NDEL1: variants seen among roughly 807,000 people sequenced by gnomAD.
The protein encoded by NDEL1 is nuclear distribution protein nudE-like 1.
NDEL1 carries 9 observed loss-of-function variants against 45.7 expected under a neutral mutation model. That is an observed-to-expected ratio of 0.20 (90% CI 0.12 to 0.34). NDEL1 has a LOEUF of 0.34. NDEL1 is among the 10% of genes least tolerant of loss of function. NDEL1 has a pLI of 1.00. For missense variants in NDEL1, 306 were observed against 406.2 expected (o/e 0.75, Z 2.12); for synonymous variants, 133 against 158.6 (o/e 0.84, Z 1.21).
At chr17:8,423,986 G>T (rs573906623) in intron 1 of NDEL1, among the ~76,000 whole-genome samples, 11 of 152,272 alleles carry the variant, frequency 7.2e-5, no homozygotes, top group Admixed American at 2.0e-4. Flanking sequence ...ACCTTGCTTT[G>T]TTAAGTTTGG....
intron 7 of NDEL1, among the ~76,000 whole-genome samples, chr17:8,456,476 A>G (rs1401777622): frequency 6.7e-6 from 1 of 149,536 alleles, no homozygotes; most frequent in African/African-American, 2.5e-5. Flanking sequence ...TTGTTTCTGA[A>G]TGTATTAGGT....
chr17:8,445,412 A>G (rs919835135), intron 2 of NDEL1, among the ~76,000 whole-genome samples: 3 of 152,216 alleles, frequency 2.0e-5, no homozygotes, highest in Admixed American at 2.0e-4. Flanking sequence ...CTTTAATGAA[A>G]GTAAAAATGC....
At chr17:8,470,803 G>A (rs368245542), downstream of NDEL1, among the ~76,000 whole-genome samples, 2 of 152,304 alleles carry the variant, frequency 1.3e-5, no homozygotes, top group African/African-American at 2.4e-5. The surrounding 1 kb of genome is among the most constrained non-coding windows in gnomAD (Gnocchi z 4.2). Flanking sequence ...AATGACGAGC[G>A]GCGGGGCCGG....
rs141933027 is a variant in NDEL1, at chr17:8,418,646, T to C, written c.-13+5377T>C. On this transcript the variant is annotated intron_variant, in intron 1 of 4. Transcript: ENST00000582812. The stretch of plus-strand genomic sequence containing the variant: ...GGCTGCTTCCTTCCTTCCTTCCTTC[T>C]TTCCTTCCTTCCTTCCTTCCCTCCC... Among the ~76,000 whole-genome samples the C allele has an allele frequency of 8.2e-3, 1,240 of 151,474 alleles. 19 individuals are homozygous for C. Among genetic ancestry groups the C allele is most frequent in the African/African-American group, 0.028 (1,163 of 41,260 alleles).
intron 1 of NDEL1, among the ~76,000 whole-genome samples, chr17:8,438,971 CTG>C (rs1909542796): frequency 7.3e-6 from 1 of 137,384 alleles, no homozygotes; most frequent in Non-Finnish European, 1.5e-5. Context: ...GAGTCTCTCT[CTG>C]TCACCCAGGC....
chr17:8,461,260 G>A (rs1259671990), intron 8 of NDEL1: 2 of 152,078 alleles, frequency 1.3e-5, no homozygotes, highest in African/African-American at 4.8e-5. Context: ...CTCTGAATAG[G>A]CTCTTATCCT....
intron 4 of NDEL1, among the ~76,000 whole-genome samples, chr17:8,447,212 G>A (rs777972917): frequency 1.3e-5 from 2 of 152,086 alleles, no homozygotes; most frequent in African/African-American, 2.4e-5. Flanking sequence ...GCATGATCTC[G>A]GCTCACTGCA....
chr17:8,422,285 TC>T (rs1908723002), intron 1 of NDEL1, among the ~76,000 whole-genome samples: 1 of 152,136 alleles, frequency 6.6e-6, no homozygotes, highest in Non-Finnish European at 1.5e-5. Flanking sequence ...GAGAAAGGGC[TC>T]CCCTGCCTCT....
chr17:8,461,195 C>T (rs1486879118), intron 8 of NDEL1: 2 of 152,054 alleles, frequency 1.3e-5, no homozygotes, highest in Non-Finnish European at 2.9e-5. Context: ...GGATTTTCTG[C>T]CGTCCTCAAT....
chr17:8,454,394 A>G (rs1228664130), intron 6 of NDEL1, among the ~76,000 whole-genome samples: 2 of 151,950 alleles, frequency 1.3e-5, no homozygotes, highest in South Asian at 4.1e-4. Context: ...AAAAAAAAAG[A>G]TAATATCTAA....
chr17:8,438,719 T>C (rs1222147294), intron 1 of NDEL1, among the ~76,000 whole-genome samples: 1 of 151,882 alleles, frequency 6.6e-6, no homozygotes, highest in Non-Finnish European at 1.5e-5. Context: ...TTTCAGCATG[T>C]TGTCCAGGCT....
At chr17:8,433,170 T>C (rs1909059490), upstream of NDEL1, among the ~76,000 whole-genome samples, 1 of 152,184 alleles carries the variant, frequency 6.6e-6, no homozygotes, top group Admixed American at 6.5e-5. Context: ...AGCTCTGTTC[T>C]TGTCAGCAGC....
At chr17:8,424,624 C>T (rs1908782272) in intron 1 of NDEL1, among the ~76,000 whole-genome samples, 1 of 152,198 alleles carries the variant, frequency 6.6e-6, no homozygotes, top group Non-Finnish European at 1.5e-5. Flanking sequence ...GCCTCAGCCT[C>T]CTGAGTAGCT....
intron 1 of NDEL1, among the ~76,000 whole-genome samples, chr17:8,414,290 A>G (rs1908491260): frequency 6.6e-6 from 1 of 152,210 alleles, no homozygotes; most frequent in Non-Finnish European, 1.5e-5. Context: ...ATTTCCTTAG[A>G]ATAAATCCTT....
chr17:8,428,747 C>G (rs1442802127), intron 1 of NDEL1, among the ~76,000 whole-genome samples: 2 of 151,828 alleles, frequency 1.3e-5, no homozygotes, highest in East Asian at 1.9e-4. Context: ...GATCTCGGCT[C>G]ACTGCAAGCT....
intron 7 of NDEL1, among the ~76,000 whole-genome samples, chr17:8,455,674 G>A (rs61460015): frequency 0.013 from 1,500 of 118,978 alleles, 23 homozygotes; most frequent in African/African-American, 0.046. Context: ...GCAACAGACA[G>A]CAAGACTCCA....
At chr17:8,457,147 C>T (rs538328828) in intron 7 of NDEL1, among the ~76,000 whole-genome samples, 1 of 152,216 alleles carries the variant, frequency 6.6e-6, no homozygotes. Context: ...CCTAGCATTT[C>T]TGTTTCCCCT....
intron 8 of NDEL1, 39 bp downstream of exon 8, chr17:8,460,199 G>A (rs1227600564): frequency 5.0e-6 from 8 of 1,590,038 alleles, no homozygotes; most frequent in South Asian, 1.1e-5. Flanking sequence ...TTTTTGAGTA[G>A]TAAAGTGACA....
At chr17:8,451,011 T>C in intron 6 of NDEL1, 58 bp downstream of exon 6, 1 of 1,510,212 alleles carries the variant, frequency 6.6e-7, no homozygotes, top group South Asian at 1.3e-5. Flanking sequence ...TACGGGGGTT[T>C]GTTGCTGAAG....
Sources: gnomAD v4.1 joint callset for allele counts (sites outside exome capture counted in the v4.1 genomes callset) on GRCh38, gnomAD v4.1.1 for gene constraint, Gnocchi (gnomAD v3.1) non-coding constraint, MANE v1.5 for transcripts, NCBI Gene and HGNC (gene_info 2026-07-23, HGNC 2026-07-21) for gene names.